Variants in TYW1 observed in about 807,000 individuals in gnomAD.
TYW1 encodes tRNA-yW synthesizing protein 1 homolog.
A neutral mutation model predicts 96.2 loss-of-function variants in TYW1; 46 were observed. The observed-to-expected ratio is 0.48, with a 90% CI of 0.38 to 0.61. The LOEUF is 0.61. TYW1 is among the 20% of genes least tolerant of loss of function. TYW1 has a pLI of 0.00. For missense variants in TYW1, 684 were observed against 909.6 expected (o/e 0.75, Z 3.19); for synonymous variants, 274 against 323.0 (o/e 0.85, Z 1.63).
At chr7:67,093,050 C>T (rs1024815829) in intron 11 of TYW1, among the ~76,000 whole-genome samples, 2 of 152,054 alleles carry the variant, frequency 1.3e-5, no homozygotes, top group African/African-American at 4.8e-5. Context: ...GCCTGTGGTC[C>T]TAGCACCTGA....
chr7:67,024,861 C>T (rs747901367), intron 6 of TYW1, 39 bp from the exon 7 acceptor site: 21 of 1,609,462 alleles, frequency 1.3e-5, no homozygotes, highest in Middle Eastern at 3.3e-4. Context: ...TTGCCTTTGC[C>T]CCTTTGAACA....
Position 67,239,057 on chromosome 7 carries a change from A to G in TYW1, c.*528A>G, listed in dbSNP as rs11767172. On this transcript the variant is annotated 3_prime_UTR_variant, in exon 16 of 16. Transcript: ENST00000359626. ...AGAATCGAAGTTGTCACAACTCTCA[A>G]TTATTTTTTAAATACTGCATAGATT... 1.0e-5 allele frequency: 10 copies of G among 988,042 alleles called. No individual in the cohort carries two copies. Among genetic ancestry groups the G allele is most frequent in the Middle Eastern group, 5.2e-4 (1 of 1,934 alleles). 61.2% of individuals were successfully genotyped at this position (988,042 alleles called of 1,614,324 possible).
intron 15 of TYW1, among the ~76,000 whole-genome samples, chr7:67,209,693 C>G (rs1800934106): frequency 6.6e-6 from 1 of 152,134 alleles, no homozygotes; most frequent in Non-Finnish European, 1.5e-5. Flanking sequence ...CTACCTCAGC[C>G]TCCTGAGTAG....
chr7:67,165,068 C>T (rs1426524012), intron 13 of TYW1, among the ~76,000 whole-genome samples: 5 of 151,342 alleles, frequency 3.3e-5, no homozygotes, highest in African/African-American at 4.9e-5. Flanking sequence ...ATTACACTCC[C>T]ACCGTCAATG....
intron 7 of TYW1, among the ~76,000 whole-genome samples, chr7:67,047,090 G>A (rs1562983367): frequency 6.6e-6 from 1 of 152,128 alleles, no homozygotes; most frequent in Non-Finnish European, 1.5e-5. Flanking sequence ...GGTGACAGAG[G>A]CTTTTGAGGG....
rs57748332 is a variant in TYW1, at chr7:67,217,846, CTT to C, written c.1978-20436_1978-20435del. 9.2e-3 allele frequency among the ~76,000 whole-genome samples: 635 copies of C among 69,114 alleles called. 3 individuals carry two copies. Among genetic ancestry groups the C allele is most frequent in the Middle Eastern group, 0.037 (2 of 54 alleles). 45.3% of individuals were successfully genotyped at this position (69,114 alleles called of 152,430 possible). A position where few individuals can be genotyped will look rare whatever the true frequency, so the allele number is the denominator to read the frequency against. On this transcript the variant is annotated intron_variant, in intron 15 of 15. Transcript: ENST00000359626. ...AGATAACTTTGGGTAGTGTTGATGT[CTT>C]TTTTTTTTTTTTTTTTTTTTTTTTT...
intron 8 of TYW1, among the ~76,000 whole-genome samples, chr7:67,050,398 C>T (rs1795317214): frequency 6.6e-6 from 1 of 152,112 alleles, no homozygotes; most frequent in Non-Finnish European, 1.5e-5. Flanking sequence ...GTAGAGGTGT[C>T]ATATCTGGGT....
intron 8 of TYW1, among the ~76,000 whole-genome samples, chr7:67,050,670 A>C (rs1584502665): frequency 1.3e-5 from 2 of 152,270 alleles, no homozygotes; most frequent in Middle Eastern, 6.8e-3. Flanking sequence ...TTGTATTTTA[A>C]TATCTATGTC....
chr7:67,161,903 G>A (rs1431366342), intron 13 of TYW1, among the ~76,000 whole-genome samples: 2 of 152,040 alleles, frequency 1.3e-5, no homozygotes, highest in Non-Finnish European at 2.9e-5. Context: ...AAACTTTATA[G>A]GCTTACTTCA....
intron 13 of TYW1, among the ~76,000 whole-genome samples, chr7:67,171,310 G>A (rs1353873959): frequency 6.6e-6 from 1 of 152,086 alleles, no homozygotes; most frequent in Non-Finnish European, 1.5e-5. Context: ...GGTCCGTTTA[G>A]TTGATTTTTT....
intron 12 of TYW1, among the ~76,000 whole-genome samples, chr7:67,113,705 C>G (rs1160369493): frequency 6.6e-6 from 1 of 150,946 alleles, no homozygotes; most frequent in Non-Finnish European, 1.5e-5. Flanking sequence ...GTGGCGCAAT[C>G]TTGGCTCATG....
intron 13 of TYW1, among the ~76,000 whole-genome samples, chr7:67,170,784 A>G (rs1291349373): frequency 6.6e-6 from 1 of 152,196 alleles, no homozygotes; most frequent in African/African-American, 2.4e-5. Flanking sequence ...CATTCCTGGA[A>G]TAAATCCCAC....
At chr7:67,139,268 T>C (rs929728004) in intron 13 of TYW1, among the ~76,000 whole-genome samples, 9 of 152,174 alleles carry the variant, frequency 5.9e-5, no homozygotes, top group African/African-American at 2.2e-4. Flanking sequence ...GCCAGGCTGG[T>C]CTCCAACTCC....
chr7:67,120,789 A>C (rs1797737578), intron 13 of TYW1, among the ~76,000 whole-genome samples: 1 of 152,234 alleles, frequency 6.6e-6, no homozygotes, highest in South Asian at 2.1e-4. Flanking sequence ...TCTTACCTCA[A>C]AGTCACTAGC....
At chr7:67,050,089 G>A in intron 8 of TYW1, 23 bp downstream of exon 8, 3 of 1,611,404 alleles carry the variant, frequency 1.9e-6, no homozygotes, top group Non-Finnish European at 2.5e-6. Flanking sequence ...AAGAATTGTT[G>A]TTATATGACT....
chr7:67,164,247 T>G (rs1473193195), intron 13 of TYW1, among the ~76,000 whole-genome samples: 1 of 152,160 alleles, frequency 6.6e-6, no homozygotes, highest in Non-Finnish European at 1.5e-5. Flanking sequence ...TATATTTATA[T>G]TGTTAATGCC....
chr7:67,208,704 A>AC (rs1800897487), intron 15 of TYW1, among the ~76,000 whole-genome samples: 1 of 151,746 alleles, frequency 6.6e-6, no homozygotes, highest in Non-Finnish European at 1.5e-5. Flanking sequence ...AAAAAAAAAA[A>AC]AAAAACCACA....
Position 67,083,463 on chromosome 7 carries a change from G to C in TYW1, c.1308G>C (p.Arg436=). The C allele has an allele frequency of 5.6e-6, 9 of 1,614,206 alleles. No homozygotes were observed. Among genetic ancestry groups the C allele is most frequent in the Middle Eastern group, 1.6e-4 (1 of 6,062 alleles). Residue 436 remains arginine, a synonymous_variant, in exon 11 of 16, where the codon CGG becomes CGC. Coordinates refer to ENST00000359626, the MANE Select transcript of TYW1 (RefSeq NM_018264.4). ...CCAACCCCGTGGGCACTGAGTGGCG[G>C]TGGAAGATGGACCAGCCTGAAATGA... ...HHTNPVGTEW[R]WKMDQPEMIL...
In TYW1 at chr7:67,099,035, T is replaced by A. The variant is rs868087038; in HGVS notation, c.1562+317T>A. Among the ~76,000 whole-genome samples, 585 of 151,460 alleles carry A rather than the reference T, an allele frequency of 3.9e-3. 3 individuals carry two copies. The highest frequency in any genetic ancestry group is 0.011 in the African/African-American group (448 of 41,368). The stretch of plus-strand genomic sequence containing the variant: ...TTATTTTATTTTATTATTATTATTT[T>A]TTTTTTTTGAGTCGGAGTCTCACTC... On this transcript the variant is annotated intron_variant, in intron 12 of 15. Coordinates refer to ENST00000359626, the MANE Select transcript of TYW1 (RefSeq NM_018264.4).
Sources: allele counts gnomAD v4.1 joint callset (sites outside exome capture counted in the v4.1 genomes callset), GRCh38; gene constraint gnomAD v4.1.1; transcripts MANE v1.5; gene names NCBI Gene and HGNC (gene_info 2026-07-23, HGNC 2026-07-21).